LRRC8B: variants seen among roughly 807,000 people sequenced by gnomAD.
LRRC8B encodes leucine rich repeat containing 8 VRAC subunit B, also known as volume-regulated anion channel subunit LRRC8B.
Under a neutral mutation model 58.8 loss-of-function variants are expected in LRRC8B, and 23 were observed. The observed-to-expected ratio is 0.39, with a 90% CI of 0.28 to 0.55. The LOEUF is 0.55. LRRC8B is among the 20% of genes least tolerant of loss of function. LRRC8B has a pLI of 0.62. For synonymous variants in LRRC8B, 359 were observed against 374.1 expected (o/e 0.96, Z 0.47); for missense variants, 694 against 936.0 (o/e 0.74, Z 3.37).
intron 1 of LRRC8B, among the ~76,000 whole-genome samples, chr1:89,527,552 AATTT>A (rs1158209715): frequency 1.3e-5 from 2 of 152,200 alleles, no homozygotes; most frequent in Non-Finnish European, 2.9e-5. Context: ...TATAGTGTAG[AATTT>A]ATTTAACCAT....
intron 1 of LRRC8B, among the ~76,000 whole-genome samples, chr1:89,541,966 A>G (rs1185833071): frequency 6.6e-6 from 1 of 152,130 alleles, no homozygotes; most frequent in Non-Finnish European, 1.5e-5. Flanking sequence ...TAATGTACAA[A>G]TTATATTATT....
At position 89,584,667 on chromosome 1, in the gene LRRC8B, T is replaced by C; in HGVS notation, c.2017T>C (p.Leu673=). ...CCATAATAATATTGAGAATCTGCCC[T>C]TGCAGCTTTTCCTATGCACTAAACT... ...LDHNNIENLP[L]QLFLCTKLHY... Residue 673 remains leucine, a synonymous_variant, in exon 5 of 6, where the codon TTG becomes CTG. Transcript: ENST00000330947. 2 of 1,614,014 alleles carry C rather than the reference T, an allele frequency of 1.2e-6. No individual in the cohort carries two copies. Among genetic ancestry groups the C allele is most frequent in the Non-Finnish European group, 1.7e-6 (2 of 1,179,998 alleles).
chr1:89,564,977 A>ATG (rs933032124), intron 1 of LRRC8B, among the ~76,000 whole-genome samples: 40 of 152,204 alleles, frequency 2.6e-4, no homozygotes, highest in African/African-American at 9.4e-4. Context: ...GTTATAGCAG[A>ATG]TGTAGCATTA....
At chr1:89,587,985 A>G (rs868779952) in intron 5 of LRRC8B, 1 of 152,238 alleles carries the variant, frequency 6.6e-6, no homozygotes, top group Non-Finnish European at 1.5e-5. Flanking sequence ...TAGATTCTTC[A>G]TGGCTTCCAC....
rs75994391 is a variant in LRRC8B at position 89,540,365 on chromosome 1, G to T, written c.-241+15343G>T. Among the ~76,000 whole-genome samples the T allele has an allele frequency of 1.5e-4, 23 of 152,234 alleles. No homozygotes were observed. The East Asian group carries it at 4.2e-3, about 28-fold the overall frequency. On this transcript the variant is annotated intron_variant, in intron 1 of 5. Coordinates refer to ENST00000330947, the MANE Select transcript of LRRC8B (RefSeq NM_001369817.2). ...AAATTCTTGTTTCTTTGCCTATGTG[G>T]CTCTTTTCTTTTTACTTGACGAGCA...
At chr1:89,558,783 T>C (rs1362250255) in intron 1 of LRRC8B, 1 of 151,848 alleles carries the variant, frequency 6.6e-6, no homozygotes, top group African/African-American at 2.4e-5. Context: ...GGTGTAGGAG[T>C]AGAAAAGCAA....
intron 1 of LRRC8B, among the ~76,000 whole-genome samples, chr1:89,529,285 A>G (rs988372036): frequency 6.6e-6 from 1 of 152,144 alleles, no homozygotes; most frequent in African/African-American, 2.4e-5. Context: ...TAATATTTTA[A>G]ATACTTGGGC....
chr1:89,544,736 G>A (rs1400451958), intron 1 of LRRC8B, among the ~76,000 whole-genome samples: 3 of 152,122 alleles, frequency 2.0e-5, no homozygotes, highest in African/African-American at 4.8e-5. Context: ...TTTTCTACTG[G>A]AGGAAGAAAA....
intron 1 of LRRC8B, among the ~76,000 whole-genome samples, chr1:89,528,883 G>C (rs1293995774): frequency 6.6e-6 from 1 of 152,190 alleles, no homozygotes; most frequent in Non-Finnish European, 1.5e-5. Flanking sequence ...ATTCCTGGAT[G>C]CTGTCATATA....
chr1:89,547,559 A>G (rs1651501317), intron 1 of LRRC8B, among the ~76,000 whole-genome samples: 1 of 152,254 alleles, frequency 6.6e-6, no homozygotes. Flanking sequence ...GTAGACATAG[A>G]TAGCAATCCA....
chr1:89,595,856 AAATTAT>A lies in LRRC8B; in HGVS notation c.*2820_*2825del, dbSNP rs1655260143. ...TTAAATGAAGAAAATTAAGTTTGTT[AAATTAT>A]AATTATGAGACTTTCGTTGGCATTT... On this transcript the variant is annotated 3_prime_UTR_variant, in exon 6 of 6. Coordinates refer to ENST00000330947, the MANE Select transcript of LRRC8B (RefSeq NM_001369817.2). 1 of 152,144 alleles carries A rather than the reference AAATTAT, an allele frequency of 6.6e-6. No homozygotes were observed. The allele number at this position is 152,144 out of a possible 1,614,324, so 9.4% of individuals were successfully genotyped here. A position where few individuals can be genotyped will look rare whatever the true frequency, so the allele number is the denominator to read the frequency against.
At chr1:89,569,474 T>C (rs1164355286) in intron 3 of LRRC8B, among the ~76,000 whole-genome samples, 1 of 152,128 alleles carries the variant, frequency 6.6e-6, no homozygotes, top group East Asian at 1.9e-4. Context: ...CCTTCCTTTC[T>C]GCTTTTGGAG....
chr1:89,588,616 C>A (rs1570651083), intron 5 of LRRC8B, among the ~76,000 whole-genome samples: 2 of 152,162 alleles, frequency 1.3e-5, no homozygotes, highest in South Asian at 4.1e-4. Context: ...TGGATAGTGA[C>A]TAGGGTGAGA....
chr1:89,552,450 A>G (rs1651893988), intron 1 of LRRC8B, among the ~76,000 whole-genome samples: 1 of 152,184 alleles, frequency 6.6e-6, no homozygotes, highest in African/African-American at 2.4e-5. Flanking sequence ...GACAATAAGA[A>G]TAATCGTTAG....
At position 89,594,226 on chromosome 1, in the gene LRRC8B, G is replaced by A. The variant is rs367735498; in HGVS notation, c.*1183G>A. ...ACTTACTGTTAGTGTTCTTGGTTTCGGCTGTTTATGACTCATGTTTATGTA... is the reference window on the plus strand; with the variant it reads ...ACTTACTGTTAGTGTTCTTGGTTTCAGCTGTTTATGACTCATGTTTATGTA... On this transcript the variant is annotated 3_prime_UTR_variant, in exon 6 of 6. Coordinates refer to ENST00000330947, the MANE Select transcript of LRRC8B (RefSeq NM_001369817.2). 2.8e-4 allele frequency: 42 copies of A among 152,004 alleles called. No individual in the cohort carries two copies. Among genetic ancestry groups the A allele is most frequent in the African/African-American group, 8.9e-4 (37 of 41,482 alleles). 9.4% of individuals were successfully genotyped at this position (152,004 alleles called of 1,614,324 possible).
intron 1 of LRRC8B, among the ~76,000 whole-genome samples, chr1:89,529,461 C>G (rs1035128475): frequency 4.0e-5 from 6 of 150,580 alleles, no homozygotes; most frequent in African/African-American, 1.5e-4. Flanking sequence ...CAAATCCTCC[C>G]TCAGTATGCA....
intron 1 of LRRC8B, among the ~76,000 whole-genome samples, chr1:89,545,238 G>T (rs974505667): frequency 6.6e-6 from 1 of 152,078 alleles, no homozygotes; most frequent in Non-Finnish European, 1.5e-5. Flanking sequence ...TCTTCTTGTT[G>T]TCTAGTGATA....
intron 1 of LRRC8B, among the ~76,000 whole-genome samples, chr1:89,535,410 TG>T (rs2100807994): frequency 6.6e-6 from 1 of 152,164 alleles, no homozygotes; most frequent in South Asian, 2.1e-4. Context: ...GCATGGTGGC[TG>T]GAGCCTGTAA....
At chr1:89,578,007 G>T (rs1653972540) in intron 3 of LRRC8B, among the ~76,000 whole-genome samples, 1 of 152,158 alleles carries the variant, frequency 6.6e-6, no homozygotes, top group Non-Finnish European at 1.5e-5. Flanking sequence ...CTAAGTTCCA[G>T]TTGCAACTTT....
Sources: gnomAD v4.1 joint callset for allele counts (sites outside exome capture counted in the v4.1 genomes callset) on GRCh38, gnomAD v4.1.1 for gene constraint, MANE v1.5 for transcripts, NCBI Gene and HGNC (gene_info 2026-07-23, HGNC 2026-07-21) for gene names.